The following PTCD1 variants were observed in gnomAD, a reference collection of about 807,000 sequenced individuals.
PTCD1 encodes the protein pentatricopeptide repeat-containing protein 1, mitochondrial.
A neutral mutation model predicts 53.4 loss-of-function variants in PTCD1; 50 were observed. That is an observed-to-expected ratio of 0.94 (90% CI 0.75 to 1.19). PTCD1 has a LOEUF of 1.19. PTCD1 is among the 50% of genes most tolerant of loss of function. The probability of loss-of-function intolerance (pLI) is 0.00; values close to 1 mark genes in which losing one functional copy is unlikely to be tolerated. For missense variants in PTCD1, 918 were observed against 904.8 expected, an observed-to-expected ratio of 1.01 and a Z score of -0.19; for synonymous variants, 413 against 394.8, an observed-to-expected ratio of 1.05 and a Z score of -0.55.
rs776982093 is a variant in PTCD1, at chr7:99,434,935, C to A, written c.308G>T (p.Arg103Leu). The part of the protein sequence containing the change: ...SDKYSSRRLF[R>L]KSAAQFHNLR... ...GTTATGGAACTGGGCTGCGGATTTG[C>A]GGAATAGTCTCCGGGAGGAGTATTT... The change falls in exon 2 of 8, where the codon CGC becomes CTC. Residue 103 changes from arginine to leucine, a missense_variant. Arg to Leu is a moderately radical substitution (Grantham distance 102). Coordinates refer to ENST00000292478, the MANE Select transcript of PTCD1 (RefSeq NM_015545.4). 1 of 1,614,222 alleles carries A rather than the reference C, an allele frequency of 6.2e-7. No homozygotes were observed. The highest frequency in any genetic ancestry group is 8.5e-7 in the Non-Finnish European group (1 of 1,180,054).
At position 99,434,880 on chromosome 7, in the gene PTCD1, T is replaced by G; in HGVS notation, c.363A>C (p.Gln121His). 2 of 1,614,214 alleles carry G rather than the reference T, an allele frequency of 1.2e-6. No homozygotes were observed. Among genetic ancestry groups the G allele is most frequent in the Non-Finnish European group, 1.7e-6 (2 of 1,180,044 alleles). ...NLRFGERRDE[Q>H]MEPEPKLWRG... ...GCCATAATTTGGGCTCCGGTTCCATTTGCTCATCTCTCCGTTCCCCAAACC... is the reference window on the plus strand; with the variant it reads ...GCCATAATTTGGGCTCCGGTTCCATGTGCTCATCTCTCCGTTCCCCAAACC... Residue 121 changes from glutamine to histidine, a missense_variant, in exon 2 of 8, where the codon CAA becomes CAC. By Grantham distance (24) the Gln-to-His change is conservative. Coordinates refer to ENST00000292478, the MANE Select transcript of PTCD1 (RefSeq NM_015545.4).
intron 5 of PTCD1, among the ~76,000 whole-genome samples, chr7:99,428,161 G>A (rs917289620): frequency 1.3e-5 from 2 of 151,954 alleles, no homozygotes; most frequent in East Asian, 1.9e-4. Flanking sequence ...TAGCATTTTG[G>A]GAGAGCAAGG....
intron 7 of PTCD1, among the ~76,000 whole-genome samples, chr7:99,423,557 C>T (rs897897971): frequency 6.6e-6 from 1 of 152,178 alleles, no homozygotes; most frequent in South Asian, 2.1e-4. Flanking sequence ...CTGGGACAGA[C>T]AGAGAAAGCA....
In PTCD1 at chr7:99,434,871, C is replaced by A; in HGVS notation, c.372G>T (p.Pro124=). The change falls in exon 2 of 8, where the codon CCG becomes CCT. Residue 124 remains proline (P), a synonymous_variant. Coordinates refer to ENST00000292478, the MANE Select transcript of PTCD1 (RefSeq NM_015545.4). The stretch of plus-strand genomic sequence containing the variant: ...TCCGGCCTCGCCATAATTTGGGCTC[C>A]GGTTCCATTTGCTCATCTCTCCGTT... ...FGERRDEQME[P]EPKLWRGRRN... 1 of 1,614,172 alleles carries A rather than the reference C, an allele frequency of 6.2e-7. No homozygotes were observed.
Position 99,424,993 on chromosome 7 carries a change from C to T in PTCD1, c.1539G>A (p.Glu513=), listed in dbSNP as rs906905288. ...AESLLLALLD[E]HQVEADLTFF... Reference sequence around the variant, plus strand: ...ATGTCAGGTCGGCCTCTACCTGGTGCTCATCCAGGAGGGCCAGCAGCAAGG... The same window carrying T: ...ATGTCAGGTCGGCCTCTACCTGGTGTTCATCCAGGAGGGCCAGCAGCAAGG... Residue 513 remains glutamate, a synonymous_variant, in exon 6 of 8, where the codon GAG becomes GAA. Transcript: ENST00000292478. 1.2e-6 allele frequency: 2 copies of T among 1,614,118 alleles called. No individual in the cohort carries two copies. The highest frequency in any genetic ancestry group is 2.2e-5 in the South Asian group (2 of 91,092).
Position 99,420,072 on chromosome 7 carries a change from G to C in PTCD1, c.1998C>G (p.Pro666=), listed in dbSNP as rs557968155. The C allele has an allele frequency of 6.2e-7, 1 of 1,614,204 alleles. No homozygotes were observed. Among genetic ancestry groups the C allele is most frequent in the Non-Finnish European group, 8.5e-7 (1 of 1,180,022 alleles). Residue 666 remains proline (P), a synonymous_variant, in exon 8 of 8, where the codon CCC becomes CCG. Coordinates refer to ENST00000292478, the MANE Select transcript of PTCD1 (RefSeq NM_015545.4). ...GCCAGGGGTGCGGGGTTTCCTCTGC[G>C]GGCATCACTGTCAGCCACTGCTTGT... is the stretch of plus-strand genomic sequence containing the variant. ...AYYKQWLTVM[P]AEETPHPWQK...
chr7:99,423,598 G>A lies in PTCD1; in HGVS notation c.1920+177C>T, dbSNP rs574551917. The stretch of plus-strand genomic sequence containing the variant: ...AAGGCTGAGACATGAGATGAGCCAC[G>A]CAGACAGGGACTCGCAGGCTGTGGT... On this transcript the variant is annotated intron_variant, in intron 7 of 7. Coordinates refer to ENST00000292478, the MANE Select transcript of PTCD1 (RefSeq NM_015545.4). Among the ~76,000 whole-genome samples, 13 of 152,262 alleles carry A rather than the reference G, an allele frequency of 8.5e-5. No homozygotes were observed. The South Asian group carries it at 1.9e-3, about 22-fold the overall frequency.
At position 99,425,112 on chromosome 7, in the gene PTCD1, A is replaced by T; in HGVS notation, c.1420T>A (p.Phe474Ile). The T allele has an allele frequency of 6.2e-7, 1 of 1,614,046 alleles. No homozygotes were observed. The highest frequency in any genetic ancestry group is 8.5e-7 in the Non-Finnish European group (1 of 1,179,986). The change falls in exon 6 of 8, where the codon TTC becomes ATC. Residue 474 changes from phenylalanine (F) to isoleucine (I), a missense_variant. Transcript: ENST00000292478. ...CTGTGCTCTGCCATCTTGCTCAGGA[A>T]GCCCTCCAGGCCCCCTATCAAGGCC... Reference protein sequence around the residue: ...RLALIGGLEGFLSKMAEHRQQ... With the variant: ...RLALIGGLEGILSKMAEHRQQ...
In PTCD1 at chr7:99,429,322, A is replaced by T. The variant is rs1476384045; in HGVS notation, c.814-118T>A. On this transcript the variant is annotated intron_variant, in intron 4 of 7. Transcript: ENST00000292478. ...GGCAGGATGATCACTTGAGGCCAGG[A>T]GTTTTGTGACCAGCCTGGGCAACAT... 12 of 1,359,598 alleles carry T rather than the reference A, an allele frequency of 8.8e-6. No individual in the cohort carries two copies. The Admixed American group carries it at 2.2e-4, about 25-fold the overall frequency. 84.2% of individuals were successfully genotyped at this position (1,359,598 alleles called of 1,614,324 possible). A position where few individuals can be genotyped will look rare whatever the true frequency, so the allele number is the denominator to read the frequency against.
intron 7 of PTCD1, among the ~76,000 whole-genome samples, chr7:99,420,486 G>A (rs1356681929): frequency 2.6e-5 from 4 of 152,134 alleles, no homozygotes; most frequent in East Asian, 1.9e-4. Context: ...ACAGCCTGCC[G>A]AGCCCCTCCC....
rs200408854 is a variant in PTCD1, at chr7:99,425,190, C to T, written c.1342G>A (p.Val448Ile). The T allele has an allele frequency of 9.9e-6, 16 of 1,613,088 alleles. 1 individual carries two copies. Among genetic ancestry groups the T allele is most frequent in the South Asian group, 6.6e-5 (6 of 91,072 alleles). Residue 448 changes from valine (V) to isoleucine (I), a missense_variant, in exon 6 of 8, where the codon GTT becomes ATT. Transcript: ENST00000292478. Reference sequence around the variant, plus strand: ...CCAAAGGAGACCACTGTAGGGGGAACGGCCCCGGGGGTCAGGAGGTTGACT... The same window carrying T: ...CCAAAGGAGACCACTGTAGGGGGAATGGCCCCGGGGGTCAGGAGGTTGACT... ...LEVNLLTPGA[V>I]PPTVVSFGTV...
Position 99,418,939 on chromosome 7 carries a change from T to C in PTCD1, c.*1028A>G, listed in dbSNP as rs1406255153. ...CCAGGCCTGGGGGACAAGACCCTTC[T>C]TTCTGGGGGGCTCTGGGCCAGAAGG... On this transcript the variant is annotated 3_prime_UTR_variant, in exon 8 of 8. Coordinates refer to ENST00000292478, the MANE Select transcript of PTCD1 (RefSeq NM_015545.4). The C allele has an allele frequency of 6.0e-6, 1 of 167,604 alleles. No homozygotes were observed. The highest frequency in any genetic ancestry group is 1.8e-4 in the East Asian group (1 of 5,636). The allele number at this position is 167,604 out of a possible 1,614,324, so 10.4% of individuals were successfully genotyped here.
In PTCD1 at chr7:99,434,823, G is replaced by A. The variant is rs760110692; in HGVS notation, c.420C>T (p.Phe140=). The part of the protein sequence containing the change: ...RGRRNTPYWY[F]LQCKHLIKEG... ...CCTTGATCAGGTGTTTGCACTGCAAGAAGTACCAGTACGGGGTGTTTCTCC... is the reference window on the plus strand; with the variant it reads ...CCTTGATCAGGTGTTTGCACTGCAAAAAGTACCAGTACGGGGTGTTTCTCC... The change falls in exon 2 of 8, where the codon TTC becomes TTT. Residue 140 remains phenylalanine (F), a synonymous_variant. Coordinates refer to ENST00000292478, the MANE Select transcript of PTCD1 (RefSeq NM_015545.4). 3.1e-6 allele frequency: 5 copies of A among 1,614,174 alleles called. No homozygotes were observed. The East Asian group carries it at 8.9e-5, about 29-fold the overall frequency.
chr7:99,420,258 C>A, intron 7 of PTCD1, 109 bp from the exon 8 acceptor site: 1 of 1,500,064 alleles, frequency 6.7e-7, no homozygotes, highest in South Asian at 1.1e-5. Context: ...ATTTTCCCTT[C>A]CAGGTGGCTG....
At position 99,438,783 on chromosome 7, in the gene PTCD1, C is replaced by T. The variant is rs1318838421; in HGVS notation, c.-118G>A. 3.6e-6 allele frequency: 5 copies of T among 1,378,010 alleles called. No individual in the cohort carries two copies. Among genetic ancestry groups the T allele is most frequent in the African/African-American group, 1.5e-5 (1 of 68,500 alleles). The allele number at this position is 1,378,010 out of a possible 1,614,324, so 85.4% of individuals were successfully genotyped here. A position where few individuals can be genotyped will look rare whatever the true frequency, so the allele number is the denominator to read the frequency against. ...TTCCTCGGGTCCCCCTCTCCCCAAG[C>T]GCGCAGGCGCAATCCGCGTCGCCGA... On this transcript the variant is annotated 5_prime_UTR_variant, in exon 1 of 8. Transcript: ENST00000292478.
chr7:99,425,425 G>C lies in PTCD1; in HGVS notation c.1107C>G (p.Ala369=). The stretch of plus-strand genomic sequence containing the variant: ...TGGCTGACATGAGGTTGCCTGCCTT[G>C]GCCTGGGCTGTCCTCCTTGGCCGCT... ...SRQRPRRTAQ[A]KAGNLMSAML... is the part of the protein sequence containing the mutation. The change falls in exon 6 of 8, where the codon GCC becomes GCG. Residue 369 remains alanine, a synonymous_variant. Coordinates refer to ENST00000292478, the MANE Select transcript of PTCD1 (RefSeq NM_015545.4). 1 of 1,614,044 alleles carries C rather than the reference G, an allele frequency of 6.2e-7. No homozygotes were observed. Among genetic ancestry groups the C allele is most frequent in the Non-Finnish European group, 8.5e-7 (1 of 1,180,024 alleles).
chr7:99,423,002 CTT>C (rs76812753), intron 7 of PTCD1, among the ~76,000 whole-genome samples: 292 of 144,552 alleles, frequency 2.0e-3, no homozygotes, highest in African/African-American at 6.7e-3. Flanking sequence ...GAGCTCTTCT[CTT>C]TTTTTTTTTT....
Position 99,419,573 on chromosome 7 carries a change from C to T in PTCD1, c.*394G>A. ...GTCTCTATGGGGAAGGCTTCGCTGT[C>T]TATCAGCTGTGATTTGTAAAAATAA... On this transcript the variant is annotated 3_prime_UTR_variant, in exon 8 of 8. Coordinates refer to ENST00000292478, the MANE Select transcript of PTCD1 (RefSeq NM_015545.4). 1 of 1,002,010 alleles carries T rather than the reference C, an allele frequency of 1.0e-6. No individual in the cohort carries two copies. Among genetic ancestry groups the T allele is most frequent in the Non-Finnish European group, 1.5e-6 (1 of 662,740 alleles). 62.1% of individuals were successfully genotyped at this position (1,002,010 alleles called of 1,614,324 possible).
chr7:99,429,087 G>A lies in PTCD1; in HGVS notation c.915+16C>T, dbSNP rs772227516. On this transcript the variant is annotated intron_variant, in intron 5 of 7. Transcript: ENST00000292478. ...CCGGGGAAGCAGGGCAGGAAGGTGG[G>A]GTGGGAGGGACATACCTGGAGGGCG... 1.2e-6 allele frequency: 2 copies of A among 1,613,970 alleles called. No homozygotes were observed. Among genetic ancestry groups the A allele is most frequent in the Non-Finnish European group, 1.7e-6 (2 of 1,179,876 alleles).
Sources: gnomAD v4.1 joint callset for allele counts (sites outside exome capture counted in the v4.1 genomes callset) on GRCh38, gnomAD v4.1.1 for gene constraint, MANE v1.5 for transcripts, NCBI Gene and HGNC (gene_info 2026-07-23, HGNC 2026-07-21) for gene names.